Variants in CTNNA1 observed in about 807,000 individuals in gnomAD.
CTNNA1 encodes catenin alpha-1.
In CTNNA1, 37 loss-of-function variants were observed where a neutral mutation model predicts 98.4. That is an observed-to-expected ratio of 0.38 (90% CI 0.29 to 0.49). CTNNA1 has a LOEUF of 0.49. Among genes scored for constraint, CTNNA1 ranks in the 20% least tolerant of loss-of-function variants. The probability of loss-of-function intolerance (pLI) is 0.95; values close to 1 mark genes in which losing one functional copy is unlikely to be tolerated. For synonymous variants in CTNNA1, 404 were observed against 413.2 expected (o/e 0.98, Z 0.27); for missense variants, 761 against 1,147.2 (o/e 0.66, Z 4.86).
intron 1 of CTNNA1, among the ~76,000 whole-genome samples, chr5:138,779,933 T>G (rs1156463683): frequency 7.2e-5 from 11 of 151,896 alleles, no homozygotes; most frequent in Non-Finnish European, 1.3e-4. Context: ...CCAGGCTGGT[T>G]GTTTTGTTTT....
chr5:138,826,652 A>C (rs1048281340), intron 6 of CTNNA1, among the ~76,000 whole-genome samples: 2 of 152,230 alleles, frequency 1.3e-5, no homozygotes, highest in Non-Finnish European at 2.9e-5. Context: ...GAAGTCTCTA[A>C]TTTAGACATA....
intron 1 of CTNNA1, among the ~76,000 whole-genome samples, chr5:138,779,314 C>T (rs1754770476): frequency 6.6e-6 from 1 of 152,144 alleles, no homozygotes; most frequent in African/African-American, 2.4e-5. Flanking sequence ...CATACCCTTT[C>T]TTTTGAGGAT....
intron 7 of CTNNA1, among the ~76,000 whole-genome samples, chr5:138,850,759 GTTCT>G (rs1330798366): frequency 6.6e-6 from 1 of 152,078 alleles, no homozygotes; most frequent in Admixed American, 6.6e-5. Flanking sequence ...TCTTCATTTT[GTTCT>G]TTCTTAATTT....
intron 9 of CTNNA1, among the ~76,000 whole-genome samples, chr5:138,893,240 C>T (rs1387859067): frequency 1.3e-5 from 2 of 152,104 alleles, no homozygotes; most frequent in African/African-American, 4.8e-5. Flanking sequence ...GGAGACTGCC[C>T]AGTGTATCCC....
Position 138,874,480 on chromosome 5 carries a change from C to T in CTNNA1, c.1063-11732C>T, listed in dbSNP as rs200540275. ...GTGGACACGCCATACCCAGGGCAGGCAGCATTTTTAAAACCATACTCATTG... is the reference window on the plus strand; with the variant it reads ...GTGGACACGCCATACCCAGGGCAGGTAGCATTTTTAAAACCATACTCATTG... On this transcript the variant is annotated intron_variant, in intron 7 of 17. Coordinates refer to ENST00000302763, the MANE Select transcript of CTNNA1 (RefSeq NM_001903.5). The surrounding 1 kb of genome is among the most constrained non-coding windows in gnomAD (Gnocchi z 4.1). The T allele has an allele frequency of 8.9e-5, 143 of 1,612,180 alleles. No individual in the cohort carries two copies. The East Asian group carries it at 2.8e-3, about 32-fold the overall frequency.
At position 138,934,334 on chromosome 5, in the gene CTNNA1, A is replaced by ACCAAAGAGAATC; in HGVS notation, c.*249_*260dup. Reference sequence around the variant, plus strand: ...GCTTAAATAAAAATAAAAATTCATAACCAAAGAGAATCCCACATTAGCTTG... The same window carrying ACCAAAGAGAATC: ...GCTTAAATAAAAATAAAAATTCATAACCAAAGAGAATCCCAAAGAGAATCCCACATTAGCTTG... On this transcript the variant is annotated 3_prime_UTR_variant, in exon 18 of 18. Transcript: ENST00000302763. 2.0e-6 allele frequency: 1 copy of ACCAAAGAGAATC among 489,478 alleles called. No individual in the cohort carries two copies. The highest frequency in any genetic ancestry group is 3.6e-6 in the Non-Finnish European group (1 of 276,836). 30.3% of individuals were successfully genotyped at this position (489,478 alleles called of 1,614,324 possible).
chr5:138,827,102 T>C (rs1373211339), intron 6 of CTNNA1, among the ~76,000 whole-genome samples: 1 of 152,238 alleles, frequency 6.6e-6, no homozygotes, highest in Admixed American at 6.5e-5. Flanking sequence ...TTTTAATTTT[T>C]TTGTGGTGCA....
chr5:138,872,068 G>GTGTA (rs1491405683), intron 7 of CTNNA1: 2 of 70,508 alleles, frequency 2.8e-5, no homozygotes, highest in Non-Finnish European at 6.1e-5. Flanking sequence ...GTGTGTGTGT[G>GTGTA]CGCTTTTAAA....
chr5:138,785,032 C>T (rs1460993462), intron 3 of CTNNA1, among the ~76,000 whole-genome samples: 3 of 151,742 alleles, frequency 2.0e-5, no homozygotes, highest in Non-Finnish European at 2.9e-5. Context: ...TGCTATTCAA[C>T]CCAGTACAGT....
chr5:138,881,398 T>G (rs527977223), intron 7 of CTNNA1, among the ~76,000 whole-genome samples: 12 of 152,166 alleles, frequency 7.9e-5, no homozygotes, highest in Non-Finnish European at 1.8e-4. Flanking sequence ...ACAACCAAGG[T>G]CAAATTGCTT....
At position 138,874,915 on chromosome 5, in the gene CTNNA1, T is replaced by C. The variant is rs1426865167; in HGVS notation, c.1063-11297T>C. ...ATAAATGCACAGACTTACCCATTCT[T>C]CTGAGCACATTGGAGGCTGCATTCA... On this transcript the variant is annotated intron_variant, in intron 7 of 17. Transcript: ENST00000302763. This position sits in a 1 kb window ranked among gnomAD's most constrained non-coding sequence, Gnocchi z 4.1. 1 of 1,613,616 alleles carries C rather than the reference T, an allele frequency of 6.2e-7. No homozygotes were observed. Among genetic ancestry groups the C allele is most frequent in the African/African-American group, 1.3e-5 (1 of 74,926 alleles).
chr5:138,925,495 T>C lies in CTNNA1; in HGVS notation c.1899+88T>C, dbSNP rs981342881. On this transcript the variant is annotated intron_variant, in intron 13 of 17. Coordinates refer to ENST00000302763, the MANE Select transcript of CTNNA1 (RefSeq NM_001903.5). ...ATGCGTCATTCTAGAACTCGGCAGA[T>C]GCGGTGGCAGTATATTAAAACCATG... is the stretch of plus-strand genomic sequence containing the variant. 15 of 1,499,716 alleles carry C rather than the reference T, an allele frequency of 1.0e-5. No individual in the cohort carries two copies. The African/African-American group carries it at 1.7e-4, about 17-fold the overall frequency. The allele number at this position is 1,499,716 out of a possible 1,614,324, so 92.9% of individuals were successfully genotyped here.
intron 3 of CTNNA1, among the ~76,000 whole-genome samples, chr5:138,793,852 A>G (rs925785522): frequency 1.4e-4 from 21 of 152,048 alleles, no homozygotes; most frequent in African/African-American, 4.6e-4. Context: ...TTTTAAATCC[A>G]TTCTGTCTGT....
intron 3 of CTNNA1, among the ~76,000 whole-genome samples, chr5:138,793,923 G>T (rs1342061937): frequency 6.6e-6 from 1 of 152,016 alleles, no homozygotes; most frequent in Non-Finnish European, 1.5e-5. Flanking sequence ...GGAAGGGGGG[G>T]AAGTTAAGAG....
At chr5:138,912,184 C>T (rs1760782712) in intron 10 of CTNNA1, among the ~76,000 whole-genome samples, 1 of 151,992 alleles carries the variant, frequency 6.6e-6, no homozygotes, top group African/African-American at 2.4e-5. Context: ...GAGCAGTGGC[C>T]AGCACAGGAG....
chr5:138,860,612 CAACCTCCTGAGTA>C (rs1409030317), intron 7 of CTNNA1, among the ~76,000 whole-genome samples: 1 of 152,178 alleles, frequency 6.6e-6, no homozygotes, highest in African/African-American at 2.4e-5. Flanking sequence ...TCTCCTGCCT[CAACCTCCTGAGTA>C]GCTGGGATTA....
chr5:138,790,273 T>G (rs1756210928), intron 3 of CTNNA1, among the ~76,000 whole-genome samples: 1 of 152,226 alleles, frequency 6.6e-6, no homozygotes, highest in African/African-American at 2.4e-5. Flanking sequence ...AGGGACCTGG[T>G]ATGTGAAAAG....
rs1762124988 is a variant in CTNNA1, at chr5:138,917,859, G to A, written c.1507G>A (p.Asp503Asn). 6 of 1,614,078 alleles carry A rather than the reference G, an allele frequency of 3.7e-6. No homozygotes were observed. Among genetic ancestry groups the A allele is most frequent in the East Asian group, 2.2e-5 (1 of 44,894 alleles). ...AGTCCGTGTTCTCACAGATGCTGTC[G>A]ATGACATTACTTCCATTGATGACTT... ...KQVRVLTDAV[D>N]DITSIDDFLA... The change falls in exon 11 of 18, where the codon GAT becomes AAT. Residue 503 changes from aspartate (D) to asparagine (N), a missense_variant. Coordinates refer to ENST00000302763, the MANE Select transcript of CTNNA1 (RefSeq NM_001903.5).
At chr5:138,875,173 A>G in intron 7 of CTNNA1, 1 of 377,234 alleles carries the variant, frequency 2.7e-6, no homozygotes, top group Non-Finnish European at 4.7e-6. Flanking sequence ...TCCACCTCTA[A>G]CTGCTCAGCT....
Sources: gnomAD v4.1 joint callset for allele counts (sites outside exome capture counted in the v4.1 genomes callset) on GRCh38, gnomAD v4.1.1 for gene constraint, Gnocchi (gnomAD v3.1) non-coding constraint, MANE v1.5 for transcripts, NCBI Gene and HGNC (gene_info 2026-07-23, HGNC 2026-07-21) for gene names.